RORA: variants seen among roughly 807,000 people sequenced by gnomAD.
The protein encoded by RORA is RAR related orphan receptor A.
A neutral mutation model predicts 69.5 loss-of-function variants in RORA; 7 were observed. That is an observed-to-expected ratio of 0.10 (90% CI 0.06 to 0.19). RORA has a LOEUF of 0.19. Ranked by LOEUF, RORA falls within the 10% of genes least tolerant of loss-of-function variation. The pLI is 1.00. For missense variants in RORA, 457 were observed against 663.0 expected (o/e 0.69, Z 3.41); for synonymous variants, 261 against 240.8 (o/e 1.08, Z -0.78).
chr15:61,172,591 A>C (rs1305907363), intron 1 of RORA, among the ~76,000 whole-genome samples: 4 of 152,200 alleles, frequency 2.6e-5, no homozygotes, highest in Non-Finnish European at 4.4e-5. Flanking sequence ...TCCTACTTTC[A>C]GTTGACCCTT....
intron 1 of RORA, among the ~76,000 whole-genome samples, chr15:60,875,013 C>T (rs1240851756): frequency 6.6e-6 from 1 of 152,106 alleles, no homozygotes; most frequent in African/African-American, 2.4e-5. Context: ...AGAACAACAA[C>T]ATCATCAATA....
At chr15:60,679,885 C>T (rs1048205171) in intron 1 of RORA, among the ~76,000 whole-genome samples, 1 of 151,936 alleles carries the variant, frequency 6.6e-6, no homozygotes, top group Non-Finnish European at 1.5e-5. Flanking sequence ...TTCTTCTCCC[C>T]GACCCCGCAA....
At chr15:60,960,848 A>G (rs1426585130) in intron 1 of RORA, among the ~76,000 whole-genome samples, 1 of 152,060 alleles carries the variant, frequency 6.6e-6, no homozygotes, top group Non-Finnish European at 1.5e-5. Context: ...TGTGTGCTTT[A>G]CAGGTATTAT....
intron 1 of RORA, among the ~76,000 whole-genome samples, chr15:60,857,153 A>C (rs2073389000): frequency 6.6e-6 from 1 of 152,150 alleles, no homozygotes; most frequent in Non-Finnish European, 1.5e-5. Context: ...AAAAATAATG[A>C]GAGACATTTT....
intron 2 of RORA, among the ~76,000 whole-genome samples, chr15:60,570,573 C>T (rs1278104310): frequency 6.6e-6 from 1 of 152,126 alleles, no homozygotes; most frequent in East Asian, 1.9e-4. Context: ...TGGTCTTGAA[C>T]TCCTGGGCTT....
chr15:61,228,956 C>T, intron 1 of RORA, 97 bp downstream of exon 1: 1 of 440,778 alleles, frequency 2.3e-6, no homozygotes, highest in Non-Finnish European at 3.0e-6. Flanking sequence ...CGCGCGCGGC[C>T]GCCGGACCCC....
chr15:60,595,884 C>T (rs1019480091), intron 2 of RORA, among the ~76,000 whole-genome samples: 2 of 152,080 alleles, frequency 1.3e-5, no homozygotes, highest in African/African-American at 4.8e-5. Flanking sequence ...ATGGTCACAG[C>T]CCCACGTGGT....
chr15:60,585,419 C>CA (rs2068304851), intron 2 of RORA, among the ~76,000 whole-genome samples: 1 of 152,102 alleles, frequency 6.6e-6, no homozygotes, highest in African/African-American at 2.4e-5. Context: ...CATAAATCTT[C>CA]AGAAACCAAG....
intron 1 of RORA, among the ~76,000 whole-genome samples, chr15:61,029,305 A>G (rs973174371): frequency 3.9e-5 from 6 of 152,126 alleles, no homozygotes; most frequent in African/African-American, 1.4e-4. Context: ...CATTGGAAAG[A>G]CAGAAAAAAA....
intron 2 of RORA, among the ~76,000 whole-genome samples, chr15:60,559,333 A>T (rs1405650481): frequency 2.0e-5 from 3 of 152,024 alleles, no homozygotes; most frequent in Non-Finnish European, 2.9e-5. Context: ...CTGTAGTCAT[A>T]TGCTAGATCT....
chr15:60,639,635 T>C (rs1274899402), intron 2 of RORA, among the ~76,000 whole-genome samples: 1 of 152,180 alleles, frequency 6.6e-6, no homozygotes, highest in Non-Finnish European at 1.5e-5. Context: ...TGCCACCACT[T>C]TTTCTGCTAA....
chr15:61,100,912 T>G (rs990716745), intron 1 of RORA, among the ~76,000 whole-genome samples: 3 of 152,250 alleles, frequency 2.0e-5, no homozygotes, highest in African/African-American at 7.2e-5. Context: ...TGAGAAACTA[T>G]GTACTCAGAC....
chr15:61,174,541 C>T (rs2079611669), intron 1 of RORA, among the ~76,000 whole-genome samples: 1 of 152,302 alleles, frequency 6.6e-6, no homozygotes, highest in East Asian at 1.9e-4. Flanking sequence ...TAATAATGCA[C>T]AGATGTTTCT....
chr15:61,143,203 G>A (rs1051892353), intron 1 of RORA, among the ~76,000 whole-genome samples: 2 of 151,892 alleles, frequency 1.3e-5, no homozygotes, highest in African/African-American at 4.8e-5. Context: ...ATATACAGAA[G>A]AAAGGTATCA....
chr15:60,689,620 G>A (rs886366393), intron 1 of RORA, among the ~76,000 whole-genome samples: 2 of 152,086 alleles, frequency 1.3e-5, no homozygotes, highest in African/African-American at 4.8e-5. Context: ...TTAAGATGAG[G>A]CAATACTGGT....
chr15:60,652,684 T>A (rs1354173039), intron 2 of RORA, among the ~76,000 whole-genome samples: 1 of 152,204 alleles, frequency 6.6e-6, no homozygotes. Flanking sequence ...CCCTTCCATG[T>A]TTTCCCCCTT....
chr15:60,781,704 G>A (rs1478338814), intron 1 of RORA, among the ~76,000 whole-genome samples: 1 of 152,064 alleles, frequency 6.6e-6, no homozygotes, highest in Non-Finnish European at 1.5e-5. Flanking sequence ...GTAGGGGGCG[G>A]GCAACGGGGG....
Position 60,490,141 on chromosome 15 carries a change from C to G in RORA, c.*7314G>C, listed in dbSNP as rs1240094362. 6.7e-6 allele frequency: 1 copy of G among 149,384 alleles called. No individual in the cohort carries two copies. The highest frequency in any genetic ancestry group is 1.5e-5 in the Non-Finnish European group (1 of 67,422). 9.3% of individuals were successfully genotyped at this position (149,384 alleles called of 1,614,324 possible). A position where few individuals can be genotyped will look rare whatever the true frequency, so the allele number is the denominator to read the frequency against. Reference sequence around the variant, plus strand: ...AAATCCAGCACTCTGATACAGCTGCCAGTTGGGCATAGGTAGATATATATA... The same window carrying G: ...AAATCCAGCACTCTGATACAGCTGCGAGTTGGGCATAGGTAGATATATATA... On this transcript the variant is annotated 3_prime_UTR_variant, in exon 11 of 11. Transcript: ENST00000335670. The surrounding 1 kb of genome is among the most constrained non-coding windows in gnomAD (Gnocchi z 4.1).
chr15:60,558,472 A>G, intron 2 of RORA: 2 of 536,956 alleles, frequency 3.7e-6, no homozygotes, highest in Non-Finnish European at 3.3e-6. Context: ...GTCTGACTGA[A>G]TATTTTTGTT....
Sources: allele counts gnomAD v4.1 joint callset (sites outside exome capture counted in the v4.1 genomes callset), GRCh38; gene constraint gnomAD v4.1.1; non-coding constraint Gnocchi (gnomAD v3.1); transcripts MANE v1.5; gene names NCBI Gene and HGNC (gene_info 2026-07-23, HGNC 2026-07-21).